The following CNTN5 variants were observed in gnomAD, a reference collection of about 807,000 sequenced individuals.
The protein encoded by CNTN5 is contactin-5.
A neutral mutation model predicts 129.1 loss-of-function variants in CNTN5; 77 were observed. That is an observed-to-expected ratio of 0.60 (90% CI 0.50 to 0.72). CNTN5 has a LOEUF of 0.72. CNTN5 is among the 30% of genes least tolerant of loss of function. CNTN5 has a pLI of 0.00. For missense variants in CNTN5, 1,478 were observed against 1,328.8 expected, an observed-to-expected ratio of 1.11 and a Z score of -1.75; for synonymous variants, 509 against 465.6, an observed-to-expected ratio of 1.09 and a Z score of -1.20.
At chr11:99,650,650 T>TACTCTCTAATA (rs749027550) in intron 3 of CNTN5, among the ~76,000 whole-genome samples, 1 of 151,956 alleles carries the variant, frequency 6.6e-6, no homozygotes, top group Admixed American at 6.6e-5. Flanking sequence ...CTAATACTCA[T>TACTCTCTAATA]CTCTCTTTAG....
chr11:99,997,858 T>A lies in CNTN5; in HGVS notation c.878-4176T>A, dbSNP rs375469347. 4.6e-5 allele frequency among the ~76,000 whole-genome samples: 7 copies of A among 152,194 alleles called. No individual in the cohort carries two copies. In the South Asian group the frequency reaches 6.2e-4, roughly 14 times the overall value. ...ATGCAAGGCTGATTCAATATACGCA[T>A]ATCAATAAATGTAATCCAGCATATA... On this transcript the variant is annotated intron_variant, in intron 8 of 24. Coordinates refer to ENST00000524871, the MANE Select transcript of CNTN5 (RefSeq NM_014361.4).
chr11:100,061,152 C>T, intron 9 of CNTN5, 60 bp from the exon 10 acceptor site: 6 of 1,356,682 alleles, frequency 4.4e-6, no homozygotes, highest in African/African-American at 1.4e-5. Context: ...TACCAGATAA[C>T]AGAATCTATG....
At chr11:99,321,850 G>A (rs1283721951) in intron 1 of CNTN5, among the ~76,000 whole-genome samples, 2 of 152,074 alleles carry the variant, frequency 1.3e-5, no homozygotes, top group South Asian at 4.1e-4. Flanking sequence ...TCATGTTTTG[G>A]GCACCATGCA....
intron 1 of CNTN5, among the ~76,000 whole-genome samples, chr11:99,167,251 A>C (rs1199916495): frequency 6.6e-6 from 1 of 152,148 alleles, no homozygotes; most frequent in Non-Finnish European, 1.5e-5. Flanking sequence ...GACTTGATAA[A>C]ATTCCTACAA....
chr11:99,039,710 T>C (rs1462748937), intron 1 of CNTN5, among the ~76,000 whole-genome samples: 1 of 152,174 alleles, frequency 6.6e-6, no homozygotes, highest in Non-Finnish European at 1.5e-5. Context: ...TGTGTGTGTG[T>C]ACTTGCTCCT....
chr11:99,213,258 C>T (rs1859903936), intron 1 of CNTN5, among the ~76,000 whole-genome samples: 3 of 143,100 alleles, frequency 2.1e-5, no homozygotes, highest in African/African-American at 7.7e-5. Context: ...TACATATATA[C>T]ATATATATAA....
At chr11:100,206,335 T>C (rs980462240) in intron 15 of CNTN5, among the ~76,000 whole-genome samples, 1 of 152,110 alleles carries the variant, frequency 6.6e-6, no homozygotes, top group African/African-American at 2.4e-5. Context: ...AATGATCTTA[T>C]AGTTAAACTT....
chr11:100,041,345 A>T (rs368203588), intron 9 of CNTN5, among the ~76,000 whole-genome samples: 2 of 152,176 alleles, frequency 1.3e-5, no homozygotes, highest in Admixed American at 6.5e-5. Context: ...TTAAGTCATT[A>T]CTTAAGTCAT....
chr11:100,090,525 CCCTT>C (rs1255371404), intron 13 of CNTN5, among the ~76,000 whole-genome samples: 66 of 68,532 alleles, frequency 9.6e-4, no homozygotes, highest in South Asian at 1.7e-3. Flanking sequence ...CTCCCTCCCT[CCCTT>C]CCTTCCTTCC....
At chr11:100,098,337 A>G (rs755001390) in intron 13 of CNTN5, among the ~76,000 whole-genome samples, 1 of 152,130 alleles carries the variant, frequency 6.6e-6, no homozygotes, top group Non-Finnish European at 1.5e-5. Flanking sequence ...TTAAATATCT[A>G]TATTTACCCC....
chr11:99,454,319 T>C (rs879440128), intron 2 of CNTN5, among the ~76,000 whole-genome samples: 2 of 152,226 alleles, frequency 1.3e-5, no homozygotes, highest in Non-Finnish European at 2.9e-5. Context: ...TCTTGAATTG[T>C]AATCCGTATA....
chr11:99,142,627 G>A (rs1859577567), intron 1 of CNTN5, among the ~76,000 whole-genome samples: 1 of 152,076 alleles, frequency 6.6e-6, no homozygotes, highest in African/African-American at 2.4e-5. Flanking sequence ...GGACAAGACA[G>A]CCCTGTTCTG....
intron 13 of CNTN5, among the ~76,000 whole-genome samples, chr11:100,168,304 G>A (rs1034076713): frequency 6.6e-6 from 1 of 151,960 alleles, no homozygotes; most frequent in African/African-American, 2.4e-5. Flanking sequence ...TTTTGGAAGA[G>A]GATGCCGTCT....
At chr11:99,543,724 C>T (rs1948188201) in intron 2 of CNTN5, among the ~76,000 whole-genome samples, 1 of 151,980 alleles carries the variant, frequency 6.6e-6, no homozygotes, top group South Asian at 2.1e-4. Flanking sequence ...TCAAGACCAG[C>T]CTGGCCAACA....
In CNTN5 at chr11:99,952,674, G is replaced by A. The variant is rs550659148; in HGVS notation, c.674-4132G>A. The stretch of plus-strand genomic sequence containing the variant: ...AGCCTCCCAAAGTGCGGGGATTACA[G>A]GCTTGGGCTGCTGTGCCTGGACAAA... On this transcript the variant is annotated intron_variant, in intron 7 of 24. Coordinates refer to ENST00000524871, the MANE Select transcript of CNTN5 (RefSeq NM_014361.4). Among the ~76,000 whole-genome samples the A allele has an allele frequency of 3.3e-5, 5 of 152,184 alleles. No individual in the cohort carries two copies. In the South Asian group the frequency reaches 1.0e-3, roughly 32 times the overall value.
At chr11:99,722,544 G>C (rs1295659443) in intron 3 of CNTN5, among the ~76,000 whole-genome samples, 1 of 151,706 alleles carries the variant, frequency 6.6e-6, no homozygotes, top group Non-Finnish European at 1.5e-5. Flanking sequence ...TTAATACCTG[G>C]GTAATTAAAT....
intron 8 of CNTN5, among the ~76,000 whole-genome samples, chr11:99,984,490 G>T (rs2137377297): frequency 6.6e-6 from 1 of 151,528 alleles, no homozygotes; most frequent in African/African-American, 2.4e-5. Flanking sequence ...TGGTGATGGT[G>T]ATGATTTTTT....
chr11:99,235,394 A>G (rs550346046), intron 1 of CNTN5, among the ~76,000 whole-genome samples: 7 of 152,268 alleles, frequency 4.6e-5, no homozygotes, highest in South Asian at 2.1e-4. Context: ...ATTTAAATGC[A>G]ATTCATCTAA....
At position 99,890,619 on chromosome 11, in the gene CNTN5, T is replaced by C. The variant is rs115156765; in HGVS notation, c.578-25435T>C. Reference sequence around the variant, plus strand: ...TGAAAGAATTACTAAAAGGAGAGAATAGACAAATTTCCCATTCAGAGTTCC... The same window carrying C: ...TGAAAGAATTACTAAAAGGAGAGAACAGACAAATTTCCCATTCAGAGTTCC... On this transcript the variant is annotated intron_variant, in intron 6 of 24. Transcript: ENST00000524871. Among the ~76,000 whole-genome samples, 508 of 152,060 alleles carry C rather than the reference T, an allele frequency of 3.3e-3. 3 individuals carry two copies. Among genetic ancestry groups the C allele is most frequent in the African/African-American group, 0.012 (482 of 41,482 alleles).
Sources: gnomAD v4.1 joint callset for allele counts (sites outside exome capture counted in the v4.1 genomes callset) on GRCh38, gnomAD v4.1.1 for gene constraint, MANE v1.5 for transcripts, NCBI Gene and HGNC (gene_info 2026-07-23, HGNC 2026-07-21) for gene names.